SLC9A9: variants seen among roughly 807,000 people sequenced by gnomAD.
SLC9A9 encodes the protein solute carrier family 9 member A9, also known as sodium/hydrogen exchanger 9.
Under a neutral mutation model 77.8 loss-of-function variants are expected in SLC9A9, and 62 were observed. The observed-to-expected ratio is 0.80, with a 90% confidence interval of 0.65 to 0.98. The LOEUF is 0.98. Ranked by LOEUF, SLC9A9 falls within the 50% of genes least tolerant of loss-of-function variation. The pLI is 0.00. For synonymous variants in SLC9A9, 320 were observed against 283.5 expected, an observed-to-expected ratio of 1.13 and a Z score of -1.29; for missense variants, 775 against 774.9, an observed-to-expected ratio of 1.00 and a Z score of 0.00.
intron 14 of SLC9A9, among the ~76,000 whole-genome samples, chr3:143,363,017 C>A (rs971753841): frequency 6.6e-6 from 1 of 152,126 alleles, no homozygotes; most frequent in Non-Finnish European, 1.5e-5. Flanking sequence ...TGTTCCCTGT[C>A]CCCACCCCTT....
intron 4 of SLC9A9, among the ~76,000 whole-genome samples, chr3:143,745,376 T>G (rs567520388): frequency 6.6e-6 from 1 of 152,236 alleles, no homozygotes; most frequent in African/African-American, 2.4e-5. Context: ...CTAGTTTAAA[T>G]TGTCACCACA....
chr3:143,293,552 C>T (rs1209624001), intron 14 of SLC9A9, among the ~76,000 whole-genome samples: 1 of 152,078 alleles, frequency 6.6e-6, no homozygotes, highest in South Asian at 2.1e-4. Context: ...ATTGCCAGTA[C>T]TTATAGGAAA....
At chr3:143,729,273 G>T (rs1934742539) in intron 4 of SLC9A9, among the ~76,000 whole-genome samples, 1 of 152,194 alleles carries the variant, frequency 6.6e-6, no homozygotes, top group African/African-American at 2.4e-5. Context: ...TGATAGACAT[G>T]AGTTTGAATC....
At chr3:143,558,068 G>A (rs1468786986) in intron 8 of SLC9A9, among the ~76,000 whole-genome samples, 1 of 152,212 alleles carries the variant, frequency 6.6e-6, no homozygotes, top group Non-Finnish European at 1.5e-5. Flanking sequence ...CCTGCTCTGT[G>A]CAGCCTCAGG....
At chr3:143,468,837 G>GC (rs2035329183) in intron 11 of SLC9A9, among the ~76,000 whole-genome samples, 1 of 151,746 alleles carries the variant, frequency 6.6e-6, no homozygotes, top group Non-Finnish European at 1.5e-5. Context: ...GCATTTTTAT[G>GC]AATCCATATT....
chr3:143,726,015 G>T (rs1224554233), intron 4 of SLC9A9, among the ~76,000 whole-genome samples: 1 of 151,738 alleles, frequency 6.6e-6, no homozygotes, highest in Admixed American at 6.6e-5. Context: ...TTCACCTATT[G>T]TACCTGGTAA....
At chr3:143,469,332 A>T (rs73008856) in intron 11 of SLC9A9, among the ~76,000 whole-genome samples, 25,777 of 152,154 alleles carry the variant, frequency 0.17, 3,537 homozygotes, top group African/African-American at 0.38. Flanking sequence ...CATGCAAGAC[A>T]TTTATAGTCC....
intron 12 of SLC9A9, among the ~76,000 whole-genome samples, chr3:143,466,450 C>G (rs1250041315): frequency 2.0e-5 from 3 of 152,202 alleles, no homozygotes; most frequent in Non-Finnish European, 4.4e-5. Context: ...AGGTTTATAG[C>G]AATCATCTTC....
At chr3:143,607,750 A>G (rs1021366322) in intron 6 of SLC9A9, among the ~76,000 whole-genome samples, 2 of 151,888 alleles carry the variant, frequency 1.3e-5, no homozygotes, top group African/African-American at 4.8e-5. Context: ...AGAACCCTAG[A>G]AAAAGCATTT....
chr3:143,460,899 G>A (rs997004364), intron 12 of SLC9A9, among the ~76,000 whole-genome samples: 5 of 152,146 alleles, frequency 3.3e-5, no homozygotes, highest in South Asian at 4.1e-4. Context: ...TTTATGAAAT[G>A]TATTGTAGAA....
In SLC9A9 at chr3:143,655,390, A is replaced by G. The variant is rs116833079; in HGVS notation, c.650-3030T>C. 9.2e-4 allele frequency: 784 copies of G among 855,734 alleles called. 6 individuals carry two copies. The African/African-American group carries it at 0.013, about 15-fold the overall frequency. 53.0% of individuals were successfully genotyped at this position (855,734 alleles called of 1,614,324 possible). On this transcript the variant is annotated intron_variant, in intron 5 of 15. Coordinates refer to ENST00000316549, the MANE Select transcript of SLC9A9 (RefSeq NM_173653.4). Reference sequence around the variant, plus strand: ...TGAGAGTTCTTGGGACCACAAGAGGAAAACACTCTGGACATCGTGTGGATA... The same window carrying G: ...TGAGAGTTCTTGGGACCACAAGAGGGAAACACTCTGGACATCGTGTGGATA...
chr3:143,668,288 A>G (rs2039103390), intron 5 of SLC9A9, among the ~76,000 whole-genome samples: 1 of 135,414 alleles, frequency 7.4e-6, no homozygotes, highest in South Asian at 2.4e-4. Context: ...CAATGAGAAC[A>G]CTTGGACACA....
At chr3:143,564,573 T>A (rs1020097192) in intron 8 of SLC9A9, among the ~76,000 whole-genome samples, 1 of 152,158 alleles carries the variant, frequency 6.6e-6, no homozygotes, top group African/African-American at 2.4e-5. Context: ...CCACTGAAAG[T>A]GAACCTGGAA....
At chr3:143,374,126 G>C (rs115906490) in intron 13 of SLC9A9, among the ~76,000 whole-genome samples, 2,399 of 152,106 alleles carry the variant, frequency 0.016, 30 homozygotes, top group South Asian at 0.072. Context: ...ACTTTTATCA[G>C]AAAAAATGGA....
intron 6 of SLC9A9, among the ~76,000 whole-genome samples, chr3:143,607,968 G>A (rs2037955696): frequency 6.6e-6 from 1 of 151,910 alleles, no homozygotes; most frequent in African/African-American, 2.4e-5. Context: ...TATTCACATG[G>A]CATTTTTGGA....
intron 4 of SLC9A9, among the ~76,000 whole-genome samples, chr3:143,705,222 C>T (rs2108792159): frequency 6.6e-6 from 1 of 152,068 alleles, no homozygotes; most frequent in South Asian, 2.1e-4. Context: ...TTACCACTCA[C>T]TTGTGGGAGC....
intron 4 of SLC9A9, among the ~76,000 whole-genome samples, chr3:143,778,415 T>G (rs1394257193): frequency 6.6e-6 from 1 of 152,260 alleles, no homozygotes; most frequent in Non-Finnish European, 1.5e-5. Context: ...ATTTAGTTTT[T>G]GGAATTTTAA....
At chr3:143,838,821 A>G (rs2009637691) in intron 1 of SLC9A9, among the ~76,000 whole-genome samples, 1 of 152,256 alleles carries the variant, frequency 6.6e-6, no homozygotes, top group South Asian at 2.1e-4. Flanking sequence ...AGTCTGAATA[A>G]TAATTTAAGG....
chr3:143,583,537 T>C (rs1193118007), intron 6 of SLC9A9, among the ~76,000 whole-genome samples: 1 of 152,248 alleles, frequency 6.6e-6, no homozygotes, highest in Admixed American at 6.5e-5. Flanking sequence ...ATCTGAGTTC[T>C]GGGTGTAAGT....
Sources: gnomAD v4.1 joint callset for allele counts (sites outside exome capture counted in the v4.1 genomes callset) on GRCh38, gnomAD v4.1.1 for gene constraint, MANE v1.5 for transcripts, NCBI Gene and HGNC (gene_info 2026-07-23, HGNC 2026-07-21) for gene names.